Variants in SEL1L3 observed in about 807,000 individuals in gnomAD.
SEL1L3 encodes the protein protein sel-1 homolog 3.
A neutral mutation model predicts 142.8 loss-of-function variants in SEL1L3; 76 were observed. The observed-to-expected ratio is 0.53, with a 90% CI of 0.44 to 0.64. The LOEUF (loss-of-function observed/expected upper bound fraction) is 0.64. SEL1L3 is among the 30% of genes least tolerant of loss of function. The probability of loss-of-function intolerance (pLI) is 0.00; values close to 1 mark genes in which losing one functional copy is unlikely to be tolerated. For synonymous variants in SEL1L3, 504 were observed against 519.6 expected, an observed-to-expected ratio of 0.97 and a Z score of 0.41; for missense variants, 1,262 against 1,381.7, an observed-to-expected ratio of 0.91 and a Z score of 1.37.
At chr4:25,860,757 C>T (rs1388442743) in intron 1 of SEL1L3, 1 of 152,248 alleles carries the variant, frequency 6.6e-6, no homozygotes, top group African/African-American at 2.4e-5. Context: ...AAATCCATTC[C>T]TTCCCCATCT....
At chr4:25,851,251 A>G (rs968001897) in intron 1 of SEL1L3, among the ~76,000 whole-genome samples, 6 of 152,212 alleles carry the variant, frequency 3.9e-5, no homozygotes, top group Non-Finnish European at 8.8e-5. Context: ...TTACAGAGTT[A>G]GTCAACAATC....
At chr4:25,804,311 C>A (rs189489346) in intron 10 of SEL1L3, among the ~76,000 whole-genome samples, 1 of 152,302 alleles carries the variant, frequency 6.6e-6, no homozygotes, top group Non-Finnish European at 1.5e-5. Context: ...AGCTGGTACA[C>A]CAATCATCCC....
intron 20 of SEL1L3, 84 bp from the exon 21 acceptor site, chr4:25,759,152 C>A: frequency 6.8e-7 from 1 of 1,474,102 alleles, no homozygotes; most frequent in Non-Finnish European, 9.1e-7. Flanking sequence ...TAAATGTTTA[C>A]AACCTCTAAA....
At chr4:25,863,411 C>G (rs906012525), upstream of SEL1L3, 5 of 698,598 alleles carry the variant, frequency 7.2e-6, no homozygotes, top group Non-Finnish European at 1.3e-5. Flanking sequence ...TCCTCGCTTC[C>G]GCATTCTTCC....
chr4:25,736,706 C>T, the SEL1L3 span, among the ~76,000 whole-genome samples: 1 of 152,102 alleles, frequency 6.6e-6, no homozygotes, highest in African/African-American at 2.4e-5. Flanking sequence ...TGTAAACCTA[C>T]CATTTTTTTA....
rs919070584 is a variant in SEL1L3 at position 25,788,102 on chromosome 4, G to A, written c.2217+122C>T. 3.1e-5 allele frequency: 28 copies of A among 890,982 alleles called. No individual in the cohort carries two copies. In the African/African-American group the frequency reaches 4.6e-4, roughly 15 times the overall value. The allele number at this position is 890,982 out of a possible 1,614,324, so 55.2% of individuals were successfully genotyped here. A position where few individuals can be genotyped will look rare whatever the true frequency, so the allele number is the denominator to read the frequency against. On this transcript the variant is annotated intron_variant, in intron 13 of 23. Transcript: ENST00000399878. The surrounding 1 kb of genome is among the most constrained non-coding windows in gnomAD (Gnocchi z 5.3). ...GCCAACATTCTTTTCCATCAAGAGT[G>A]ACAGAAGCATATACTAAATTTCTTC...
In SEL1L3 at chr4:25,837,685, T is replaced by C. The variant is rs140855176; in HGVS notation, c.734-2362A>G. ...TTGCCCTCAGTATGATACTGTCTTT[T>C]GATTACAATTAGAGGTAATGAACAA... On this transcript the variant is annotated intron_variant, in intron 2 of 23. Transcript: ENST00000399878. Among the ~76,000 whole-genome samples, 403 of 152,246 alleles carry C rather than the reference T, an allele frequency of 2.6e-3. 2 individuals are homozygous for C. Among genetic ancestry groups the C allele is most frequent in the African/African-American group, 8.2e-3 (341 of 41,554 alleles).
At chr4:25,749,370 TA>T (rs999309335) in intron 23 of SEL1L3, among the ~76,000 whole-genome samples, 45 of 147,370 alleles carry the variant, frequency 3.1e-4, no homozygotes, top group Admixed American at 5.4e-4. Flanking sequence ...TTTTCTGATT[TA>T]AAAAAAAAAA....
intron 2 of SEL1L3, among the ~76,000 whole-genome samples, chr4:25,836,937 G>A: frequency 6.6e-6 from 1 of 152,178 alleles, no homozygotes. Context: ...AGAATCACAG[G>A]CCCTTGTGTA....
chr4:25,799,817 A>C (rs529292478), intron 11 of SEL1L3, among the ~76,000 whole-genome samples: 2 of 152,316 alleles, frequency 1.3e-5, no homozygotes, highest in African/African-American at 4.8e-5. Context: ...GTAAGAAAAC[A>C]GTCAGAGATT....
intron 11 of SEL1L3, among the ~76,000 whole-genome samples, chr4:25,795,616 A>G (rs988802100): frequency 5.3e-5 from 8 of 152,144 alleles, no homozygotes; most frequent in Non-Finnish European, 4.4e-5. Context: ...AAGCAGAATG[A>G]TCCTAGAGTC....
chr4:25,797,146 G>A, intron 11 of SEL1L3, among the ~76,000 whole-genome samples: 1 of 151,018 alleles, frequency 6.6e-6, no homozygotes. Flanking sequence ...AGGGGAGCAG[G>A]TGAGGGTGAG....
chr4:25,751,576 C>T (rs1717591268), intron 23 of SEL1L3, among the ~76,000 whole-genome samples: 1 of 151,752 alleles, frequency 6.6e-6, no homozygotes, highest in East Asian at 1.9e-4. Flanking sequence ...ACTGAGCTGC[C>T]TGGTGGAATG....
In SEL1L3 at chr4:25,782,183, C is replaced by A; in HGVS notation, c.2457+59G>T. On this transcript the variant is annotated intron_variant, in intron 15 of 23. Transcript: ENST00000399878. ...TCTGGTGCACACAGTGTACCTTCAA[C>A]AAATGCTTCATGATCAAGTGACTGA... 18 of 1,509,286 alleles carry A rather than the reference C, an allele frequency of 1.2e-5. 1 individual carries two copies. The highest frequency in any genetic ancestry group is 1.6e-5 in the Non-Finnish European group (18 of 1,093,630). 93.5% of individuals were successfully genotyped at this position (1,509,286 alleles called of 1,614,324 possible). A position where few individuals can be genotyped will look rare whatever the true frequency, so the allele number is the denominator to read the frequency against.
chr4:25,821,849 G>A (rs761085991), intron 7 of SEL1L3, 147 bp downstream of exon 7: 2 of 810,370 alleles, frequency 2.5e-6, no homozygotes, highest in Admixed American at 3.3e-5. Context: ...TTTGCTGGGG[G>A]AAAAGCCTCA....
At chr4:25,824,223 G>T (rs1244501084) in intron 6 of SEL1L3, among the ~76,000 whole-genome samples, 1 of 152,110 alleles carries the variant, frequency 6.6e-6, no homozygotes, top group Non-Finnish European at 1.5e-5. Flanking sequence ...TCATGAGACA[G>T]CACGGGGCAC....
chr4:25,843,915 C>T (rs1386585207), intron 2 of SEL1L3, among the ~76,000 whole-genome samples: 1 of 152,236 alleles, frequency 6.6e-6, no homozygotes, highest in African/African-American at 2.4e-5. Flanking sequence ...GCAAAGCCAG[C>T]GATGGAGGCC....
chr4:25,851,365 A>C (rs938913180), intron 1 of SEL1L3, among the ~76,000 whole-genome samples: 2 of 152,104 alleles, frequency 1.3e-5, no homozygotes, highest in African/African-American at 4.8e-5. Context: ...TAAAAAACAG[A>C]CTCAGAAATA....
At chr4:25,778,938 C>T in intron 16 of SEL1L3, 138 bp downstream of exon 16, 1 of 658,904 alleles carries the variant, frequency 1.5e-6, no homozygotes, top group South Asian at 4.6e-5. Flanking sequence ...TTAATTTTGT[C>T]TTGTCAAATT....
Sources: allele counts gnomAD v4.1 joint callset (sites outside exome capture counted in the v4.1 genomes callset), GRCh38; gene constraint gnomAD v4.1.1; non-coding constraint Gnocchi (gnomAD v3.1); transcripts MANE v1.5; gene names NCBI Gene and HGNC (gene_info 2026-07-23, HGNC 2026-07-21).